Variants in EIF3A observed in about 807,000 individuals in gnomAD.
The protein encoded by EIF3A is eukaryotic translation initiation factor 3 subunit A, also known as EIF3, p180 subunit.
EIF3A carries 21 observed loss-of-function variants against 186.6 expected under a neutral mutation model. The observed-to-expected ratio is 0.11, with a 90% CI of 0.08 to 0.16. The LOEUF (loss-of-function observed/expected upper bound fraction) is 0.16. Ranked by LOEUF, EIF3A falls within the 10% of genes least tolerant of loss-of-function variation. The pLI is 1.00. For missense variants in EIF3A, 1,306 were observed against 1,796.3 expected (o/e 0.73, Z 4.93); for synonymous variants, 563 against 584.3 (o/e 0.96, Z 0.52).
At chr10:119,038,749 AC>A (rs1848169614) in intron 19 of EIF3A, among the ~76,000 whole-genome samples, 1 of 152,006 alleles carries the variant, frequency 6.6e-6, no homozygotes, top group Non-Finnish European at 1.5e-5. Context: ...CATGGTAATA[AC>A]CCTGTTGCTA....
rs1848107050 is a variant in EIF3A at position 119,034,873 on chromosome 10, G to C, written c.*1166C>G. 6.6e-6 allele frequency: 1 copy of C among 152,172 alleles called. No homozygotes were observed. Among genetic ancestry groups the C allele is most frequent in the African/African-American group, 2.4e-5 (1 of 41,422 alleles). The allele number at this position is 152,172 out of a possible 1,614,324, so 9.4% of individuals were successfully genotyped here. On this transcript the variant is annotated 3_prime_UTR_variant, in exon 22 of 22. Transcript: ENST00000369144. ...ATTAACAAAGGAAGACATGTTAGGG[G>C]GACATCCTAGCCACATATGCTTTCT...
chr10:119,075,410 G>C (rs533185637), intron 1 of EIF3A, among the ~76,000 whole-genome samples: 19 of 151,830 alleles, frequency 1.3e-4, no homozygotes, highest in Admixed American at 4.6e-4. Flanking sequence ...CATTATTTCT[G>C]ACCAAGGTTA....
chr10:119,043,055 G>A (rs1012711007), intron 18 of EIF3A, among the ~76,000 whole-genome samples: 4 of 151,884 alleles, frequency 2.6e-5, no homozygotes, highest in Non-Finnish European at 4.4e-5. Flanking sequence ...AGGCCAAGGC[G>A]GGAGGATTGC....
chr10:119,065,626 G>T, intron 6 of EIF3A, 56 bp from the exon 7 acceptor site: 1 of 1,294,404 alleles, frequency 7.7e-7, no homozygotes, highest in Non-Finnish European at 1.1e-6. Flanking sequence ...TTGGTAAGCA[G>T]AAAAGCACTT....
intron 14 of EIF3A, among the ~76,000 whole-genome samples, chr10:119,054,366 G>A (rs982091253): frequency 6.6e-6 from 1 of 152,062 alleles, no homozygotes; most frequent in Non-Finnish European, 1.5e-5. Context: ...CAGCAATAAG[G>A]CTGTTTCACT....
rs759811255 is a variant in EIF3A, at chr10:119,038,411, T to C, written c.3555A>G (p.Arg1185=). 2 of 1,613,698 alleles carry C rather than the reference T, an allele frequency of 1.2e-6. No homozygotes were observed. Among genetic ancestry groups the C allele is most frequent in the Non-Finnish European group, 1.7e-6 (2 of 1,179,978 alleles). ...PGGWREKEKA[R]EESWGPPRES... ...CTCGAGGTGGACCCCAGCTCTCCTC[T>C]CTGGCTTTTTCTTTCTCTCTCCATC... The change falls in exon 20 of 22, where the codon AGA becomes AGG. Residue 1185 remains arginine, a synonymous_variant. Coordinates refer to ENST00000369144, the MANE Select transcript of EIF3A (RefSeq NM_003750.4).
At chr10:119,060,057 C>T (rs1219295142) in intron 9 of EIF3A, 1 of 518,194 alleles carries the variant, frequency 1.9e-6, no homozygotes, top group Non-Finnish European at 3.8e-6. Context: ...AGTTATACTG[C>T]TAATTAGCCT....
intron 18 of EIF3A, among the ~76,000 whole-genome samples, chr10:119,043,371 G>A (rs1245563788): frequency 2.0e-5 from 3 of 151,938 alleles, no homozygotes; most frequent in Non-Finnish European, 2.9e-5. Context: ...CCCAGGAGGC[G>A]GAGGCTGCAG....
rs59413780 is a variant in EIF3A at position 119,068,971 on chromosome 10, CAAAAAAAA to C, written c.950+467_950+474del. Among the ~76,000 whole-genome samples the C allele has an allele frequency of 0.024, 2,347 of 99,038 alleles. 364 individuals are homozygous for C. In the East Asian group the frequency reaches 0.42, roughly 18 times the overall value. The allele number at this position is 99,038 out of a possible 152,430, so 65.0% of individuals were successfully genotyped here. A position where few individuals can be genotyped will look rare whatever the true frequency, so the allele number is the denominator to read the frequency against. On this transcript the variant is annotated intron_variant, in intron 6 of 21. Transcript: ENST00000369144. The stretch of plus-strand genomic sequence containing the variant: ...CTGGGCAACAAAAGACTCTGTCTTG[CAAAAAAAA>C]AAAAAAAAAAAGAAAAGGAAAAAAA...
At position 119,073,058 on chromosome 10, in the gene EIF3A, AAAG is replaced by A; in HGVS notation, c.378-8_378-6del. 12 of 1,589,702 alleles carry A rather than the reference AAAG, an allele frequency of 7.5e-6. No individual in the cohort carries two copies. Among genetic ancestry groups the A allele is most frequent in the Non-Finnish European group, 1.0e-5 (12 of 1,172,594 alleles). ...CTTACAGCACTTAGGAGAACACTAC[AAAG>A]AAAAAAATGTTGAAAACAATTTTAG... On this transcript the variant is annotated splice_polypyrimidine_tract_variant and splice_region_variant and intron_variant, in intron 3 of 21. Transcript: ENST00000369144.
At chr10:119,054,543 C>T (rs1179048451) in intron 14 of EIF3A, among the ~76,000 whole-genome samples, 110 of 149,560 alleles carry the variant, frequency 7.4e-4, no homozygotes, top group African/African-American at 2.2e-3. Flanking sequence ...AGAGAAACCC[C>T]GTCTCTAATT....
intron 1 of EIF3A, among the ~76,000 whole-genome samples, chr10:119,076,654 CAG>C (rs1289072040): frequency 2.0e-5 from 3 of 152,022 alleles, no homozygotes; most frequent in Non-Finnish European, 4.4e-5. Flanking sequence ...TAAAATGTAA[CAG>C]TACAGCCAGG....
intron 7 of EIF3A, among the ~76,000 whole-genome samples, chr10:119,064,742 C>G (rs1843944752): frequency 6.6e-6 from 1 of 152,196 alleles, no homozygotes; most frequent in South Asian, 2.1e-4. Flanking sequence ...GAGTCTCACT[C>G]TGTCGCCCAG....
Position 119,037,266 on chromosome 10 carries a change from T to C in EIF3A, c.3772A>G (p.Ser1258Gly). The change falls in exon 21 of 22, where the codon AGC becomes GGC. Residue 1258 changes from serine (S) to glycine (G), a missense_variant. Physicochemically the swap from Ser to Gly is moderately conservative, Grantham distance 56 (BLOSUM62 0). This residue lies in a region of EIF3A where 331 missense variants were observed against 365.8 expected (regional missense o/e 0.90). Coordinates refer to ENST00000369144, the MANE Select transcript of EIF3A (RefSeq NM_003750.4). ...TCCCGGCGACTTGAGTCTCTCCAGCTTGAAGATTCCTCAGCTGGTCCTCTT... is the reference window on the plus strand; with the variant it reads ...TCCCGGCGACTTGAGTCTCTCCAGCCTGAAGATTCCTCAGCTGGTCCTCTT... The part of the protein sequence containing the change: ...WRRGPAEESS[S>G]WRDSSRRDDR... The C allele has an allele frequency of 6.2e-7, 1 of 1,614,112 alleles. No individual in the cohort carries two copies. The highest frequency in any genetic ancestry group is 8.5e-7 in the Non-Finnish European group (1 of 1,180,014).
chr10:119,075,181 C>T (rs1844145247), intron 1 of EIF3A, among the ~76,000 whole-genome samples: 1 of 151,448 alleles, frequency 6.6e-6, no homozygotes, highest in South Asian at 2.1e-4. Context: ...AGGCTGGTCT[C>T]GAACTCCTGA....
intron 15 of EIF3A, 68 bp from the exon 16 acceptor site, chr10:119,050,742 C>T: frequency 6.4e-7 from 1 of 1,555,036 alleles, no homozygotes; most frequent in Admixed American, 1.7e-5. Context: ...TCGCAGAAAG[C>T]TATTAGGTTT....
rs761822661 is a variant in EIF3A at position 119,036,173 on chromosome 10, G to C, written c.4015C>G (p.Arg1339Gly). ...CTTTCTCGGTCTCGGTCTCTTTCTCGGTCTCTTGAAAGAGCTGGGGGAGGA... is the reference window on the plus strand; with the variant it reads ...CTTTCTCGGTCTCGGTCTCTTTCTCCGTCTCTTGAAAGAGCTGGGGGAGGA... ...RVPPPALSRD[R>G]ERDRDREREG... The change falls in exon 22 of 22, where the codon CGA (arginine) becomes GGA (glycine). Residue 1339 changes from arginine (R) to glycine (G), a missense_variant. Coordinates refer to ENST00000369144, the MANE Select transcript of EIF3A (RefSeq NM_003750.4). The C allele has an allele frequency of 5.0e-6, 8 of 1,612,862 alleles. No individual in the cohort carries two copies. Among genetic ancestry groups the C allele is most frequent in the South Asian group, 4.4e-5 (4 of 91,006 alleles).
intron 4 of EIF3A, 100 bp downstream of exon 4, chr10:119,072,790 C>T (rs1487882118): frequency 2.2e-6 from 3 of 1,394,660 alleles, no homozygotes. Context: ...GCCAACATTT[C>T]AATAAGGATA....
chr10:119,058,309 A>G lies in EIF3A; in HGVS notation c.1630-6T>C, dbSNP rs1429443950. The stretch of plus-strand genomic sequence containing the variant: ...TGCTGTTCTTCTTTCTCTTGCTTCA[A>G]AAACAAATGAATTTTTTTACATGAC... On this transcript the variant is annotated splice_polypyrimidine_tract_variant and splice_region_variant and intron_variant, in intron 11 of 21. Coordinates refer to ENST00000369144, the MANE Select transcript of EIF3A (RefSeq NM_003750.4). The G allele has an allele frequency of 1.3e-6, 2 of 1,541,414 alleles. No individual in the cohort carries two copies. The highest frequency in any genetic ancestry group is 4.3e-5 in the Admixed American group (2 of 46,236).
Sources: allele counts gnomAD v4.1 joint callset (sites outside exome capture counted in the v4.1 genomes callset), GRCh38; gene constraint gnomAD v4.1.1; regional missense constraint gnomAD v4.1.1; transcripts MANE v1.5; gene names NCBI Gene and HGNC (gene_info 2026-07-23, HGNC 2026-07-21).